Variants in TBPL1 observed in about 807,000 individuals in gnomAD.
TBPL1 encodes TATA box-binding protein-like 1.
In TBPL1, 4 loss-of-function variants were observed where a neutral mutation model predicts 22.1. The ratio of observed to expected loss-of-function variants is 0.18; its 90% CI spans 0.09 to 0.41. TBPL1 has a LOEUF of 0.41. Among genes scored for constraint, TBPL1 ranks in the 10% least tolerant of loss-of-function variants. The pLI is 1.00. For missense variants in TBPL1, 115 were observed against 222.3 expected (o/e 0.52, Z 3.07); for synonymous variants, 64 against 71.0 (o/e 0.90, Z 0.50).
At chr6:133,959,510 CT>C (rs1447831928) in intron 1 of TBPL1, among the ~76,000 whole-genome samples, 4 of 152,050 alleles carry the variant, frequency 2.6e-5, no homozygotes, top group Non-Finnish European at 5.9e-5. Context: ...GAGATGGAGT[CT>C]CACTCTGTCG....
chr6:133,979,012 A>G (rs1329185156), intron 1 of TBPL1, among the ~76,000 whole-genome samples: 4 of 152,204 alleles, frequency 2.6e-5, no homozygotes, highest in African/African-American at 7.2e-5. Flanking sequence ...TAGCTGGGTC[A>G]TGAGTCACGT....
intron 1 of TBPL1, among the ~76,000 whole-genome samples, chr6:133,969,225 T>G (rs898522410): frequency 6.6e-6 from 1 of 151,578 alleles, no homozygotes; most frequent in African/African-American, 2.4e-5. Flanking sequence ...TTACAAATAA[T>G]GTCATTGACT....
intron 1 of TBPL1, among the ~76,000 whole-genome samples, chr6:133,972,052 G>A (rs1301486414): frequency 6.6e-6 from 1 of 152,124 alleles, no homozygotes; most frequent in African/African-American, 2.4e-5. Flanking sequence ...TCTTAGAATA[G>A]ATTATCCAAA....
chr6:133,987,035 T>G lies in TBPL1; in HGVS notation c.556T>G (p.Leu186Val), dbSNP rs974669404. ...TGTGTTTGAAAGCAGGAAAGAAATT[T>G]TATAATTCACCACTTAATTGGTTAG... ...PFVFESRKEI[L>V] Residue 186 changes from leucine (L) to valine (V), a missense_variant, in exon 7 of 7, where the codon TTA becomes GTA. By Grantham distance (32) the Leu-to-Val change is conservative. Transcript: ENST00000237264. 1 of 1,609,032 alleles carries G rather than the reference T, an allele frequency of 6.2e-7. No homozygotes were observed. Among genetic ancestry groups the G allele is most frequent in the African/African-American group, 1.3e-5 (1 of 74,742 alleles).
intron 1 of TBPL1, among the ~76,000 whole-genome samples, chr6:133,976,035 A>G (rs1158058455): frequency 6.6e-6 from 1 of 152,158 alleles, no homozygotes; most frequent in East Asian, 1.9e-4. Flanking sequence ...AATCTATACA[A>G]CCAGTTAAAA....
chr6:133,982,660 A>G lies in TBPL1; in HGVS notation c.218+10A>G. ...GCACTGGAGCAACAAGGTAAATGCT[A>G]CTTGGGTTTTTTGTTTTTATTTTTT... On this transcript the variant is annotated intron_variant, in intron 3 of 6. Transcript: ENST00000237264. 5 of 1,607,636 alleles carry G rather than the reference A, an allele frequency of 3.1e-6. No homozygotes were observed. The highest frequency in any genetic ancestry group is 4.2e-6 in the Non-Finnish European group (5 of 1,177,918).
At chr6:133,976,047 A>G (rs1776306919) in intron 1 of TBPL1, among the ~76,000 whole-genome samples, 1 of 152,248 alleles carries the variant, frequency 6.6e-6, no homozygotes, top group South Asian at 2.1e-4. Context: ...CAGTTAAAAA[A>G]ATCATGTATA....
At chr6:133,983,846 A>G (rs1776459444) in intron 4 of TBPL1, among the ~76,000 whole-genome samples, 1 of 152,226 alleles carries the variant, frequency 6.6e-6, no homozygotes, top group African/African-American at 2.4e-5. Flanking sequence ...GTTGAGAGAA[A>G]TCCCAATTAG....
In TBPL1 at chr6:133,968,592, A is replaced by G. The variant is rs73774172; in HGVS notation, c.-44-11490A>G. Among the ~76,000 whole-genome samples the G allele has an allele frequency of 6.8e-3, 1,030 of 152,368 alleles. 15 individuals are homozygous for G. Among genetic ancestry groups the G allele is most frequent in the African/African-American group, 0.021 (879 of 41,588 alleles). ...ATGGTATTGTGTTTTACAAATGAGA[A>G]CAGGAGCAGTTCAGAACTAGTCCAC... On this transcript the variant is annotated intron_variant, in intron 1 of 6. Transcript: ENST00000237264.
chr6:133,954,095 A>G (rs111815225), intron 1 of TBPL1, among the ~76,000 whole-genome samples: 11,892 of 152,298 alleles, frequency 0.078, 446 homozygotes, highest in Non-Finnish European at 0.085. Flanking sequence ...CTAATAGGGC[A>G]TGAGGGCTTA....
intron 1 of TBPL1, among the ~76,000 whole-genome samples, chr6:133,962,958 C>A (rs1776049912): frequency 6.6e-6 from 1 of 152,094 alleles, no homozygotes; most frequent in Non-Finnish European, 1.5e-5. Flanking sequence ...CTTCAGAATC[C>A]AGGGATAGGA....
At chr6:133,961,263 G>C (rs1332074971) in intron 1 of TBPL1, among the ~76,000 whole-genome samples, 1 of 152,040 alleles carries the variant, frequency 6.6e-6, no homozygotes, top group Admixed American at 6.6e-5. Flanking sequence ...CCAAATGCCA[G>C]CAATTCAGCC....
intron 1 of TBPL1, among the ~76,000 whole-genome samples, chr6:133,957,188 G>A (rs758956432): frequency 7.9e-5 from 12 of 152,204 alleles, no homozygotes; most frequent in Non-Finnish European, 1.5e-4. Flanking sequence ...ACTCAATAGG[G>A]TGATTTCTGG....
At chr6:133,985,292 AAAAAAATATATATAT>A (rs1776490252) in intron 6 of TBPL1, among the ~76,000 whole-genome samples, 1 of 67,264 alleles carries the variant, frequency 1.5e-5, no homozygotes, top group African/African-American at 6.0e-5. Context: ...AAAAAAAAAA[AAAAAAATATATATAT>A]ATATATATAT....
At chr6:133,952,354 C>T (rs1250348812), upstream of TBPL1, 1 of 152,608 alleles carries the variant, frequency 6.6e-6, no homozygotes, top group Non-Finnish European at 1.5e-5. The surrounding 1 kb of genome is among the most constrained non-coding windows in gnomAD (Gnocchi z 4.5). Flanking sequence ...TAGAGGTCCT[C>T]CTATCCCGGG....
chr6:133,985,297 A>AAAATATATAT (rs1449435525), intron 6 of TBPL1, among the ~76,000 whole-genome samples: 2 of 42,904 alleles, frequency 4.7e-5, no homozygotes, highest in African/African-American at 2.3e-4. Context: ...AAAAAAAAAA[A>AAAATATATAT]ATATATATAT....
intron 1 of TBPL1, among the ~76,000 whole-genome samples, chr6:133,960,418 C>CTTTTTT (rs765884620): frequency 7.6e-6 from 1 of 131,592 alleles, no homozygotes; most frequent in African/African-American, 2.8e-5. Context: ...GCTGACCAGC[C>CTTTTTT]TTTTTTTTTT....
chr6:133,980,269 C>CT lies in TBPL1; in HGVS notation c.135+10dup. 2 of 1,598,710 alleles carry CT rather than the reference C, an allele frequency of 1.3e-6. No homozygotes were observed. Among genetic ancestry groups the CT allele is most frequent in the Non-Finnish European group, 1.7e-6 (2 of 1,174,724 alleles). On this transcript the variant is annotated intron_variant, in intron 2 of 6. Transcript: ENST00000237264. ...ATAAACGTGATGTTGGAGTAAGTAT[C>CT]TGAGTTTTCGTATTTGTACTACATA...
rs1250959774 is a variant in TBPL1 at position 133,980,220 on chromosome 6, C to T, written c.95C>T (p.Ala32Val). 1 of 1,609,180 alleles carries T rather than the reference C, an allele frequency of 6.2e-7. No individual in the cohort carries two copies. The highest frequency in any genetic ancestry group is 2.2e-5 in the East Asian group (1 of 44,606). ...TRCHLNLRKIALEGANVIYKR... is the reference protein window; with the variant it reads ...TRCHLNLRKIVLEGANVIYKR... ...TGTCATTTAAACTTAAGGAAGATTG[C>T]TTTGGAAGGAGCAAATGTAATTTAT... Residue 32 changes from alanine (A) to valine (V), a missense_variant, in exon 2 of 7, where the codon GCT (alanine) becomes GTT (valine). Transcript: ENST00000237264.
Sources: gnomAD v4.1 joint callset for allele counts (sites outside exome capture counted in the v4.1 genomes callset) on GRCh38, gnomAD v4.1.1 for gene constraint, Gnocchi (gnomAD v3.1) non-coding constraint, MANE v1.5 for transcripts, NCBI Gene and HGNC (gene_info 2026-07-23, HGNC 2026-07-21) for gene names.